Variants in CLCA2 observed in about 807,000 individuals in gnomAD.
The protein encoded by CLCA2 is chloride channel accessory 2, also known as calcium-activated chloride channel regulator 2.
A neutral mutation model predicts 82.9 loss-of-function variants in CLCA2; 85 were observed. That is an observed-to-expected ratio of 1.03 (90% CI 0.86 to 1.23). The LOEUF (loss-of-function observed/expected upper bound fraction) is 1.23. Ranked by LOEUF, CLCA2 falls within the 50% of genes most tolerant of loss-of-function variation. The pLI, the probability that CLCA2 is intolerant of heterozygous loss-of-function variation, is 0.00. For missense variants in CLCA2, 1,089 were observed against 1,124.8 expected (o/e 0.97, Z 0.45); for synonymous variants, 421 against 391.7 (o/e 1.07, Z -0.88).
intron 2 of CLCA2, among the ~76,000 whole-genome samples, 168 bp downstream of exon 2, chr1:86,425,644 T>C (rs758068496): frequency 2.0e-5 from 3 of 152,164 alleles, no homozygotes; most frequent in Non-Finnish European, 4.4e-5. Flanking sequence ...TGAGAATAAA[T>C]GAATGCAAAT....
chr1:86,435,083 C>T (rs1325777154), intron 6 of CLCA2, among the ~76,000 whole-genome samples: 4 of 152,130 alleles, frequency 2.6e-5, no homozygotes, highest in African/African-American at 7.2e-5. Flanking sequence ...GTGCAGGACA[C>T]CATGCCTTTT....
chr1:86,425,312 GTAAGTTTTTCTTT>G lies in CLCA2; in HGVS notation c.187-25_187-13del, dbSNP rs758489245. ...ACATACAGGATTTACAAGTGGTAAA[GTAAGTTTTTCTTT>G]TGTCTGGCTGTAGGAAATGATAACT... is the stretch of plus-strand genomic sequence containing the variant. On this transcript the variant is annotated splice_polypyrimidine_tract_variant and intron_variant, in intron 1 of 13. Transcript: ENST00000370565. The G allele has an allele frequency of 1.3e-6, 2 of 1,514,088 alleles. No homozygotes were observed. Among genetic ancestry groups the G allele is most frequent in the African/African-American group, 2.8e-5 (2 of 71,122 alleles). 93.8% of individuals were successfully genotyped at this position (1,514,088 alleles called of 1,614,324 possible).
intron 2 of CLCA2, among the ~76,000 whole-genome samples, chr1:86,427,275 C>T (rs1444515619): frequency 6.6e-6 from 1 of 152,042 alleles, no homozygotes; most frequent in Non-Finnish European, 1.5e-5. Context: ...CTTTTGGCCT[C>T]AGGACAAATT....
Position 86,424,243 on chromosome 1 carries a change from A to T in CLCA2, c.-5A>T. On this transcript the variant is annotated 5_prime_UTR_variant, in exon 1 of 14. Transcript: ENST00000370565. ...GTGTGAGTGAACTGGAGGCTTCTCT[A>T]CAACATGACCCAAAGGAGCATTGCA... The T allele has an allele frequency of 6.2e-7, 1 of 1,610,086 alleles. No individual in the cohort carries two copies. The highest frequency in any genetic ancestry group is 1.1e-5 in the South Asian group (1 of 90,246).
At chr1:86,424,646 C>T (rs1263764291) in intron 1 of CLCA2, among the ~76,000 whole-genome samples, 1 of 151,716 alleles carries the variant, frequency 6.6e-6, no homozygotes, top group Non-Finnish European at 1.5e-5. Flanking sequence ...TGATCTAGCC[C>T]TCTATTTTGT....
At position 86,424,370 on chromosome 1, in the gene CLCA2, T is replaced by C; in HGVS notation, c.123T>C (p.Asn41=). 6.2e-7 allele frequency: 1 copy of C among 1,613,730 alleles called. No homozygotes were observed. Among genetic ancestry groups the C allele is most frequent in the Non-Finnish European group, 8.5e-7 (1 of 1,179,842 alleles). The part of the protein sequence containing the change: ...AGVQLQDNGY[N]GLLIAINPQV... ...TACAGCTTCAAGACAATGGGTATAA[T>C]GGATTGCTCATTGCAATTAATCCTC... The change falls in exon 1 of 14, where the codon AAT becomes AAC. Residue 41 remains asparagine (N), a synonymous_variant. Transcript: ENST00000370565.
At chr1:86,442,462 C>A (rs1662754742) in intron 9 of CLCA2, among the ~76,000 whole-genome samples, 1 of 152,162 alleles carries the variant, frequency 6.6e-6, no homozygotes, top group African/African-American at 2.4e-5. Context: ...CGTTCCCAAA[C>A]TTGCCCCCCT....
chr1:86,424,453 T>C lies in CLCA2; in HGVS notation c.186+20T>C, dbSNP rs948316290. The C allele has an allele frequency of 8.2e-6, 13 of 1,591,604 alleles. No individual in the cohort carries two copies. The highest frequency in any genetic ancestry group is 2.7e-5 in the African/African-American group (2 of 74,354). ...ATTAAGGTGAGTGGAAATTATGAAA[T>C]TGATACTAGCATCCCATTTGATCAG... On this transcript the variant is annotated intron_variant, in intron 1 of 13. Transcript: ENST00000370565.
chr1:86,436,666 G>T (rs763912534), intron 6 of CLCA2, among the ~76,000 whole-genome samples: 6 of 151,808 alleles, frequency 4.0e-5, no homozygotes, highest in South Asian at 2.1e-4. Context: ...GAATAATTTT[G>T]TTATGTTGCA....
At chr1:86,431,751 G>T (rs887820542) in intron 4 of CLCA2, among the ~76,000 whole-genome samples, 10 of 152,118 alleles carry the variant, frequency 6.6e-5, no homozygotes, top group Admixed American at 4.6e-4. Context: ...CCTTCCTTGG[G>T]CTTCCCAAAG....
intron 2 of CLCA2, 112 bp downstream of exon 2, chr1:86,425,588 A>G: frequency 3.6e-6 from 3 of 840,706 alleles, no homozygotes; most frequent in Non-Finnish European, 5.0e-6. Context: ...ATCAGTATTA[A>G]CAATGCAAAT....
At position 86,434,658 on chromosome 1, in the gene CLCA2, G is replaced by T. The variant is rs1662566005; in HGVS notation, c.885G>T (p.Glu295Asp). Reference sequence around the variant, plus strand: ...ACAGCTTTCCCATGAATGGGACTGAGCTTCCACCTCCTCCCACATTCTCGC... The same window carrying T: ...ACAGCTTTCCCATGAATGGGACTGATCTTCCACCTCCTCCCACATTCTCGC... ...FHHSFPMNGT[E>D]LPPPPTFSLV... The change falls in exon 6 of 14, where the codon GAG becomes GAT. Residue 295 changes from glutamate (E) to aspartate (D), a missense_variant. Coordinates refer to ENST00000370565, the MANE Select transcript of CLCA2 (RefSeq NM_006536.7). The T allele has an allele frequency of 6.2e-7, 1 of 1,614,014 alleles. No homozygotes were observed. The highest frequency in any genetic ancestry group is 1.1e-5 in the South Asian group (1 of 91,088).
At chr1:86,446,490 C>T (rs1288886960) in intron 10 of CLCA2, among the ~76,000 whole-genome samples, 3 of 152,150 alleles carry the variant, frequency 2.0e-5, no homozygotes, top group Non-Finnish European at 2.9e-5. Flanking sequence ...TTATTACACT[C>T]AGAGAACTTT....
chr1:86,443,683 AATT>A lies in CLCA2; in HGVS notation c.1489-100_1489-98del, dbSNP rs571550436. 2.0e-4 allele frequency: 173 copies of A among 865,526 alleles called. No homozygotes were observed. The East Asian group carries it at 4.4e-3, about 22-fold the overall frequency. The allele number at this position is 865,526 out of a possible 1,614,324, so 53.6% of individuals were successfully genotyped here. A position where few individuals can be genotyped will look rare whatever the true frequency, so the allele number is the denominator to read the frequency against. The stretch of plus-strand genomic sequence containing the variant: ...ATAACTACAGTACCTGTCAGAATTA[AATT>A]ATTTTTATTTTTGCCAATTAATTGT... On this transcript the variant is annotated intron_variant, in intron 9 of 13. Transcript: ENST00000370565.
At chr1:86,427,306 T>C (rs1435332016) in intron 2 of CLCA2, among the ~76,000 whole-genome samples, 1 of 152,150 alleles carries the variant, frequency 6.6e-6, no homozygotes, top group Non-Finnish European at 1.5e-5. Context: ...GGAATGAGGT[T>C]TTACCCAAGT....
intron 10 of CLCA2, among the ~76,000 whole-genome samples, chr1:86,446,548 A>AAAAAAC (rs1483342153): frequency 1.4e-4 from 21 of 152,320 alleles, no homozygotes; most frequent in African/African-American, 5.1e-4. Context: ...GTTATGATTC[A>AAAAAAC]AAAAACAAAA....
At chr1:86,450,865 C>T in intron 12 of CLCA2, 132 bp downstream of exon 12, 2 of 761,588 alleles carry the variant, frequency 2.6e-6, no homozygotes, top group Non-Finnish European at 3.8e-6. Context: ...TAAGTCCATA[C>T]ATAATTTGTT....
chr1:86,438,898 A>T lies in CLCA2; in HGVS notation c.995A>T (p.Gln332Leu). Residue 332 changes from glutamine to leucine, a missense_variant, in exon 7 of 14, where the codon CAA (glutamine) becomes CTA (leucine). Physicochemically the swap from Gln to Leu is moderately radical, Grantham distance 113. Transcript: ENST00000370565. ...MAEADRLLQL[Q>L]QAAEFYLMQI... is the part of the protein sequence containing the mutation. ...TAGGCTGACAGACTCCTTCAACTAC[A>T]ACAAGCCGCAGAATTTTATTTGATG... 6.2e-7 allele frequency: 1 copy of T among 1,614,066 alleles called. No homozygotes were observed. The highest frequency in any genetic ancestry group is 1.6e-4 in the Middle Eastern group (1 of 6,062).
chr1:86,455,175 A>C lies in CLCA2; in HGVS notation c.2480A>C (p.Asn827Thr), dbSNP rs1292751901. The part of the protein sequence containing the change: ...NAILVNTSKR[N>T]PQQAGIREIF... ...ATTTTAGTAAATACATCAAAGCGAA[A>C]TCCTCAGCAAGCTGGCATCAGGGAG... The change falls in exon 14 of 14, where the codon AAT (asparagine) becomes ACT (threonine). Residue 827 changes from asparagine to threonine, a missense_variant. Coordinates refer to ENST00000370565, the MANE Select transcript of CLCA2 (RefSeq NM_006536.7). 6.2e-7 allele frequency: 1 copy of C among 1,613,660 alleles called. No individual in the cohort carries two copies. Among genetic ancestry groups the C allele is most frequent in the Non-Finnish European group, 8.5e-7 (1 of 1,179,674 alleles).
Sources: gnomAD v4.1 joint callset for allele counts (sites outside exome capture counted in the v4.1 genomes callset) on GRCh38, gnomAD v4.1.1 for gene constraint, MANE v1.5 for transcripts, NCBI Gene and HGNC (gene_info 2026-07-23, HGNC 2026-07-21) for gene names.